AKAP12: variants seen among roughly 807,000 people sequenced by gnomAD.
AKAP12 encodes the protein A-kinase anchor protein 12.
A neutral mutation model predicts 79.9 loss-of-function variants in AKAP12; 32 were observed. That is an observed-to-expected ratio of 0.40 (90% confidence interval 0.30 to 0.54). AKAP12 has a LOEUF of 0.54. Among genes scored for constraint, AKAP12 ranks in the 20% least tolerant of loss-of-function variants. AKAP12 has a pLI of 0.48. For missense variants in AKAP12, 2,074 were observed against 2,177.0 expected, an observed-to-expected ratio of 0.95 and a Z score of 0.94; for synonymous variants, 808 against 857.0, an observed-to-expected ratio of 0.94 and a Z score of 1.00.
intron 2 of AKAP12, among the ~76,000 whole-genome samples, chr6:151,246,331 T>C (rs780837462): frequency 1.3e-4 from 20 of 152,072 alleles, no homozygotes; most frequent in Non-Finnish European, 2.6e-4. Flanking sequence ...GGCAGGAGAA[T>C]CTCTTGAACC....
intron 2 of AKAP12, among the ~76,000 whole-genome samples, chr6:151,305,099 G>A (rs1234932013): frequency 6.6e-6 from 1 of 151,768 alleles, no homozygotes; most frequent in Non-Finnish European, 1.5e-5. Flanking sequence ...CTTGCCTGTG[G>A]AAATGAGATC....
chr6:151,352,851 T>C lies in AKAP12; in HGVS notation c.4460T>C (p.Ile1487Thr). Residue 1487 changes from isoleucine (I) to threonine (T), a missense_variant, in exon 4 of 5, where the codon ATA becomes ACA. Physicochemically the swap from Ile to Thr is moderately conservative, Grantham distance 89. Coordinates refer to ENST00000402676, the MANE Select transcript of AKAP12 (RefSeq NM_005100.4). ...PDCQAKSTPV[I>T]VSATTKKGLS... is the part of the protein sequence containing the mutation. The stretch of plus-strand genomic sequence containing the variant: ...TGTCAGGCAAAATCGACACCAGTGA[T>C]AGTATCTGCTACTACCAAGAAAGGC... The C allele has an allele frequency of 1.2e-6, 2 of 1,614,146 alleles. No individual in the cohort carries two copies. Among genetic ancestry groups the C allele is most frequent in the Non-Finnish European group, 1.7e-6 (2 of 1,180,026 alleles).
chr6:151,278,882 TG>T (rs1185445256), intron 2 of AKAP12, among the ~76,000 whole-genome samples: 7 of 151,746 alleles, frequency 4.6e-5, no homozygotes, highest in Admixed American at 4.6e-4. Context: ...TTAGCCAGGA[TG>T]GTCTCGATCT....
At chr6:151,288,323 T>G (rs989870417) in intron 2 of AKAP12, among the ~76,000 whole-genome samples, 1 of 151,942 alleles carries the variant, frequency 6.6e-6, no homozygotes. Context: ...GAAACCAGCC[T>G]GGACAACATG....
chr6:151,277,527 T>C (rs1776309738), intron 2 of AKAP12, among the ~76,000 whole-genome samples: 1 of 152,240 alleles, frequency 6.6e-6, no homozygotes, highest in Non-Finnish European at 1.5e-5. Context: ...CTAAATTCCT[T>C]TACCTCAAAA....
At chr6:151,240,756 G>A (rs1401515714) in intron 2 of AKAP12, 32 bp downstream of exon 2, 2 of 1,240,098 alleles carry the variant, frequency 1.6e-6, no homozygotes, top group Admixed American at 4.4e-5. Flanking sequence ...TGCGCCGGGA[G>A]GCGCGGGTCT....
chr6:151,351,814 C>G lies in AKAP12; in HGVS notation c.3423C>G (p.Ala1141=). The G allele has an allele frequency of 6.2e-7, 1 of 1,614,006 alleles. No individual in the cohort carries two copies. The highest frequency in any genetic ancestry group is 1.6e-4 in the Middle Eastern group (1 of 6,062). The part of the protein sequence containing the change: ...ESSELVTTCQ[A]ETLAGVKSQE... ...GTGAGCTTGTAACCACTTGTCAAGC[C>G]GAAACCTTAGCTGGGGTAAAATCAC... The change falls in exon 4 of 5, where the codon GCC becomes GCG. Residue 1141 remains alanine (A), a synonymous_variant. Coordinates refer to ENST00000402676, the MANE Select transcript of AKAP12 (RefSeq NM_005100.4). This position sits in a 1 kb window ranked among gnomAD's most constrained non-coding sequence, Gnocchi z 4.4.
At chr6:151,332,859 T>G (rs1010960479) in intron 3 of AKAP12, among the ~76,000 whole-genome samples, 1 of 152,206 alleles carries the variant, frequency 6.6e-6, no homozygotes, top group Non-Finnish European at 1.5e-5. Flanking sequence ...TGGCCGAACC[T>G]CAGCACCAGT....
At chr6:151,281,388 G>T (rs557371061) in intron 2 of AKAP12, among the ~76,000 whole-genome samples, 22 of 152,176 alleles carry the variant, frequency 1.4e-4, no homozygotes, top group Non-Finnish European at 2.9e-4. Flanking sequence ...TTTCTGTAAC[G>T]TATGGGAAGA....
At chr6:151,314,595 C>T (rs887834689) in intron 3 of AKAP12, among the ~76,000 whole-genome samples, 5 of 152,124 alleles carry the variant, frequency 3.3e-5, no homozygotes, top group Non-Finnish European at 7.4e-5. Context: ...AATGCCATAG[C>T]TGCTTGCCCT....
intron 4 of AKAP12, among the ~76,000 whole-genome samples, chr6:151,354,297 C>T (rs1275201904): frequency 6.9e-5 from 10 of 144,754 alleles, no homozygotes; most frequent in East Asian, 2.1e-4. Flanking sequence ...AATTTTCCAG[C>T]GCATATAATG....
In AKAP12 at chr6:151,353,453, A is replaced by G; in HGVS notation, c.5062A>G (p.Ile1688Val). Residue 1688 changes from isoleucine (I) to valine (V), a missense_variant, in exon 4 of 5, where the codon ATA becomes GTA. Ile to Val is a conservative substitution (Grantham distance 29). Around this residue, in one of 3 missense-constraint regions of AKAP12, gnomAD observed 614 missense variants for 665.6 expected, o/e 0.92. Coordinates refer to ENST00000402676, the MANE Select transcript of AKAP12 (RefSeq NM_005100.4). ...TGGTCATGCCTTGTTAGCAGAAAGA[A>G]TAGAGAAGTCACTAGTTGAACCGAA... ...DDGHALLAER[I>V]EKSLVEPKED... 6.2e-7 allele frequency: 1 copy of G among 1,614,214 alleles called. No individual in the cohort carries two copies. Among genetic ancestry groups the G allele is most frequent in the Non-Finnish European group, 8.5e-7 (1 of 1,180,042 alleles).
chr6:151,296,753 C>T (rs1776736380), intron 2 of AKAP12, among the ~76,000 whole-genome samples: 4 of 152,136 alleles, frequency 2.6e-5, no homozygotes, highest in African/African-American at 9.7e-5. Context: ...CTCTAGCCTG[C>T]ACTCTAGCCT....
chr6:151,270,067 T>C (rs1211963285), intron 2 of AKAP12, among the ~76,000 whole-genome samples: 1 of 152,220 alleles, frequency 6.6e-6, no homozygotes, highest in Non-Finnish European at 1.5e-5. Flanking sequence ...TTTGTTGTTG[T>C]TGTTGTTTGA....
chr6:151,333,649 A>C (rs373279206), intron 3 of AKAP12, among the ~76,000 whole-genome samples: 4 of 151,446 alleles, frequency 2.6e-5, no homozygotes, highest in African/African-American at 9.7e-5. Flanking sequence ...AGGCTGAGGC[A>C]GGAAAATTGC....
At chr6:151,263,564 G>A (rs770002592) in intron 2 of AKAP12, among the ~76,000 whole-genome samples, 5 of 151,736 alleles carry the variant, frequency 3.3e-5, no homozygotes, top group Non-Finnish European at 7.4e-5. Flanking sequence ...ACTCTCTTGA[G>A]AGATTTTCTT....
intron 3 of AKAP12, among the ~76,000 whole-genome samples, chr6:151,308,520 A>G (rs1777023524): frequency 6.6e-6 from 1 of 151,982 alleles, no homozygotes; most frequent in African/African-American, 2.4e-5. Context: ...GCCAATTAAT[A>G]TACCTTGTCC....
chr6:151,352,521 C>G lies in AKAP12; in HGVS notation c.4130C>G (p.Thr1377Arg). The G allele has an allele frequency of 1.2e-6, 2 of 1,614,188 alleles. No individual in the cohort carries two copies. The highest frequency in any genetic ancestry group is 1.7e-6 in the Non-Finnish European group (2 of 1,180,044). Residue 1377 changes from threonine to arginine, a missense_variant, in exon 4 of 5, where the codon ACA (threonine) becomes AGA (arginine). Physicochemically the swap from Thr to Arg is moderately conservative, Grantham distance 71. Transcript: ENST00000402676. ...GAGGTCAGTAAGCAGCTCCTCCAGA[C>G]AGTGAATGTGCCCATCATAGATGGG... ...SEEVSKQLLQ[T>R]VNVPIIDGAK...
chr6:151,245,934 T>A (rs1164934932), intron 2 of AKAP12, among the ~76,000 whole-genome samples: 1 of 152,110 alleles, frequency 6.6e-6, no homozygotes, highest in Non-Finnish European at 1.5e-5. Context: ...ATATCACATA[T>A]AGATTTAGGT....
Sources: gnomAD v4.1 joint callset for allele counts (sites outside exome capture counted in the v4.1 genomes callset) on GRCh38, gnomAD v4.1.1 for gene constraint, gnomAD v4.1.1 regional missense constraint, Gnocchi (gnomAD v3.1) non-coding constraint, MANE v1.5 for transcripts, NCBI Gene and HGNC (gene_info 2026-07-23, HGNC 2026-07-21) for gene names.